PLCB1: variants seen among roughly 807,000 people sequenced by gnomAD.
PLCB1 encodes the protein phospholipase C beta 1, also known as 1-phosphatidylinositol 4,5-bisphosphate phosphodiesterase beta-1.
PLCB1 carries 46 observed loss-of-function variants against 161.8 expected under a neutral mutation model. The observed-to-expected ratio is 0.28, with a 90% confidence interval of 0.22 to 0.36. The LOEUF (loss-of-function observed/expected upper bound fraction) is 0.36, where lower values mean the gene tolerates loss of function less well. Ranked by LOEUF, PLCB1 falls within the 10% of genes least tolerant of loss-of-function variation. PLCB1 has a pLI of 1.00. For synonymous variants in PLCB1, 517 were observed against 503.7 expected, an observed-to-expected ratio of 1.03 and a Z score of -0.35; for missense variants, 1,016 against 1,472.5, an observed-to-expected ratio of 0.69 and a Z score of 5.07.
chr20:8,451,114 A>G (rs1255718025), intron 3 of PLCB1, among the ~76,000 whole-genome samples: 1 of 152,156 alleles, frequency 6.6e-6, no homozygotes, highest in Non-Finnish European at 1.5e-5. Flanking sequence ...TTCATGGATT[A>G]TAAGACATTT....
intron 3 of PLCB1, among the ~76,000 whole-genome samples, chr20:8,486,371 T>C (rs1883502): frequency 0.59 from 89,654 of 152,076 alleles, 26,784 homozygotes; most frequent in East Asian, 0.65. Flanking sequence ...ACTTTTCCCT[T>C]TTTAGACTTT....
intron 13 of PLCB1, 42 bp from the exon 14 acceptor site, chr20:8,717,629 G>A: frequency 1.3e-6 from 2 of 1,499,504 alleles, no homozygotes; most frequent in Non-Finnish European, 1.8e-6. Context: ...ATCTGAAAGA[G>A]GGAGCAGTAT....
At chr20:8,640,644 G>T (rs778783482) in intron 4 of PLCB1, among the ~76,000 whole-genome samples, 1 of 152,168 alleles carries the variant, frequency 6.6e-6, no homozygotes, top group Non-Finnish European at 1.5e-5. Flanking sequence ...TGGGGGTTCT[G>T]TATATGAGCA....
chr20:8,200,288 G>A (rs1393481258), intron 2 of PLCB1, among the ~76,000 whole-genome samples: 2 of 151,844 alleles, frequency 1.3e-5, no homozygotes, highest in East Asian at 3.9e-4. Context: ...CCATGAAATA[G>A]GCCTTAATAT....
chr20:8,295,161 T>G (rs1346754706), intron 2 of PLCB1, among the ~76,000 whole-genome samples: 1 of 152,092 alleles, frequency 6.6e-6, no homozygotes, highest in East Asian at 1.9e-4. Context: ...TTTCTCCTGG[T>G]GGGTGTGTAG....
At chr20:8,465,693 C>T (rs892332805) in intron 3 of PLCB1, among the ~76,000 whole-genome samples, 2 of 152,048 alleles carry the variant, frequency 1.3e-5, no homozygotes, top group Admixed American at 1.3e-4. Flanking sequence ...CAAAAGAAGA[C>T]ATTTATGCAG....
chr20:8,296,826 C>A (rs1012735160), intron 2 of PLCB1, among the ~76,000 whole-genome samples: 1 of 152,104 alleles, frequency 6.6e-6, no homozygotes, highest in African/African-American at 2.4e-5. Flanking sequence ...ATGTACAATG[C>A]TTTTCCATCG....
intron 3 of PLCB1, among the ~76,000 whole-genome samples, chr20:8,620,734 C>A (rs1314074400): frequency 7.0e-6 from 1 of 143,224 alleles, no homozygotes; most frequent in Non-Finnish European, 1.5e-5. Context: ...GAAACTCTGT[C>A]CCCTGCCCCC....
chr20:8,479,495 T>A (rs1487680948), intron 3 of PLCB1, among the ~76,000 whole-genome samples: 2 of 152,250 alleles, frequency 1.3e-5, no homozygotes, highest in African/African-American at 2.4e-5. Flanking sequence ...GGTTGTATGC[T>A]ATATCTTTGC....
At chr20:8,636,031 T>G (rs1478678156) in intron 4 of PLCB1, among the ~76,000 whole-genome samples, 2 of 152,182 alleles carry the variant, frequency 1.3e-5, no homozygotes, top group Admixed American at 6.5e-5. Context: ...TCAAACAAAT[T>G]TATGATGAGT....
intron 9 of PLCB1, among the ~76,000 whole-genome samples, chr20:8,674,744 C>T (rs1180241297): frequency 6.6e-6 from 1 of 152,114 alleles, no homozygotes; most frequent in Non-Finnish European, 1.5e-5. Context: ...AAGGAAGCCT[C>T]GGTATGAGAA....
At chr20:8,523,465 G>GCGCTCTCTCTCTCT (rs1484103619) in intron 3 of PLCB1, among the ~76,000 whole-genome samples, 1 of 48,796 alleles carries the variant, frequency 2.0e-5, no homozygotes, top group East Asian at 4.8e-4. Context: ...TATATATTTG[G>GCGCTCTCTCTCTCT]CTCTCTCTCT....
At chr20:8,477,606 T>C (rs556947422) in intron 3 of PLCB1, among the ~76,000 whole-genome samples, 3 of 152,318 alleles carry the variant, frequency 2.0e-5, no homozygotes, top group African/African-American at 7.2e-5. Context: ...CTGTACAAGC[T>C]TGGCACCAGC....
chr20:8,504,367 G>A (rs1360820680), intron 3 of PLCB1, among the ~76,000 whole-genome samples: 2 of 152,120 alleles, frequency 1.3e-5, no homozygotes, highest in Non-Finnish European at 2.9e-5. Flanking sequence ...ACCTAACTTC[G>A]AAGTGGGCAG....
At chr20:8,717,591 A>G in intron 13 of PLCB1, 80 bp from the exon 14 acceptor site, 1 of 1,082,310 alleles carries the variant, frequency 9.2e-7, no homozygotes, top group Non-Finnish European at 1.4e-6. Flanking sequence ...TTTGGTATCC[A>G]CAGCTGATCT....
chr20:8,850,572 C>T (rs1325131369), intron 31 of PLCB1, among the ~76,000 whole-genome samples: 1 of 152,166 alleles, frequency 6.6e-6, no homozygotes, highest in East Asian at 1.9e-4. Context: ...CCTAGTAAAA[C>T]AGTATTAAGT....
chr20:8,686,283 A>G (rs1159267444), intron 10 of PLCB1, among the ~76,000 whole-genome samples: 1 of 152,208 alleles, frequency 6.6e-6, no homozygotes, highest in African/African-American at 2.4e-5. Flanking sequence ...AATTCAAAGA[A>G]GTATAATTTT....
At chr20:8,175,661 T>A (rs1302227692) in intron 2 of PLCB1, among the ~76,000 whole-genome samples, 1 of 152,034 alleles carries the variant, frequency 6.6e-6, no homozygotes, top group Non-Finnish European at 1.5e-5. Context: ...AAAAATTGGA[T>A]CTCATTAAAA....
chr20:8,190,030 T>G (rs1320693259), intron 2 of PLCB1, among the ~76,000 whole-genome samples: 3 of 152,118 alleles, frequency 2.0e-5, no homozygotes, highest in Non-Finnish European at 4.4e-5. Flanking sequence ...GGCAAACTTA[T>G]GACTTCATTG....
Sources: allele counts gnomAD v4.1 joint callset (sites outside exome capture counted in the v4.1 genomes callset), GRCh38; gene constraint gnomAD v4.1.1; transcripts MANE v1.5; gene names NCBI Gene and HGNC (gene_info 2026-07-23, HGNC 2026-07-21).